The following GRID2 variants were observed in gnomAD, a reference collection of about 807,000 sequenced individuals.
GRID2 encodes glutamate receptor ionotropic, delta-2.
Under a neutral mutation model 114.8 loss-of-function variants are expected in GRID2, and 33 were observed. The observed-to-expected ratio is 0.29, with a 90% CI of 0.22 to 0.38. The LOEUF is 0.38. Ranked by LOEUF, GRID2 falls within the 10% of genes least tolerant of loss-of-function variation. The pLI is 1.00. For synonymous variants in GRID2, 505 were observed against 449.9 expected (o/e 1.12, Z -1.55); for missense variants, 1,184 against 1,257.7 (o/e 0.94, Z 0.89).
intron 13 of GRID2, among the ~76,000 whole-genome samples, chr4:93,622,358 CA>C: frequency 6.6e-6 from 1 of 152,130 alleles, no homozygotes; most frequent in East Asian, 1.9e-4. Flanking sequence ...TGATATTACT[CA>C]TTTTTTTATC....
At chr4:93,758,691 G>GGTTTTAAAGGTTAATTTT (rs1732963500) in intron 14 of GRID2, among the ~76,000 whole-genome samples, 9 of 152,200 alleles carry the variant, frequency 5.9e-5, no homozygotes, top group Middle Eastern at 6.8e-3. Context: ...TTAATTGTCA[G>GGTTTTAAAGGTTAATTTT]ACTCAAGGAT....
intron 8 of GRID2, among the ~76,000 whole-genome samples, chr4:93,274,596 T>A (rs1260629834): frequency 2.0e-5 from 3 of 152,092 alleles, no homozygotes; most frequent in Non-Finnish European, 4.4e-5. Context: ...AAAATGCTCA[T>A]AGACACTTAA....
At chr4:93,445,310 A>G (rs1294856127) in intron 10 of GRID2, among the ~76,000 whole-genome samples, 1 of 151,984 alleles carries the variant, frequency 6.6e-6, no homozygotes, top group African/African-American at 2.4e-5. Flanking sequence ...ATAGTCAGCC[A>G]GGGAACTTCT....
At chr4:92,395,700 T>A (rs1451064732) in intron 1 of GRID2, among the ~76,000 whole-genome samples, 2 of 151,828 alleles carry the variant, frequency 1.3e-5, no homozygotes, top group Non-Finnish European at 3.0e-5. Context: ...TATAATATAA[T>A]AGCATAGGTA....
intron 2 of GRID2, among the ~76,000 whole-genome samples, chr4:93,061,384 T>C (rs924959564): frequency 2.0e-5 from 3 of 151,926 alleles, no homozygotes; most frequent in Admixed American, 6.6e-5. Flanking sequence ...TTCTGATAGA[T>C]AGTAGACGTA....
chr4:92,839,322 G>C (rs747614564), intron 2 of GRID2, among the ~76,000 whole-genome samples: 1 of 150,912 alleles, frequency 6.6e-6, no homozygotes, highest in Non-Finnish European at 1.5e-5. Context: ...CAATGTGCCA[G>C]TTAGTTACTT....
At chr4:93,484,093 T>G (rs1164547382) in intron 11 of GRID2, among the ~76,000 whole-genome samples, 1 of 151,942 alleles carries the variant, frequency 6.6e-6, no homozygotes, top group East Asian at 1.9e-4. Context: ...TCTCTCCTTA[T>G]TTTCTTCTTT....
intron 11 of GRID2, among the ~76,000 whole-genome samples, chr4:93,465,969 G>A (rs1724226171): frequency 2.0e-5 from 3 of 152,120 alleles, no homozygotes; most frequent in Non-Finnish European, 4.4e-5. Flanking sequence ...CCCAAATTGA[G>A]TGGAATTATA....
At chr4:93,405,574 A>T (rs774880120) in intron 9 of GRID2, among the ~76,000 whole-genome samples, 7 of 152,288 alleles carry the variant, frequency 4.6e-5, no homozygotes, top group Middle Eastern at 3.4e-3. Context: ...ATTTAGAAAG[A>T]GATTGACAGA....
At chr4:93,523,258 A>G (rs1313586369) in intron 13 of GRID2, among the ~76,000 whole-genome samples, 10 of 152,166 alleles carry the variant, frequency 6.6e-5, no homozygotes, top group Non-Finnish European at 1.5e-5. Flanking sequence ...ATAAAGTAAA[A>G]GGAAATTTCA....
chr4:93,159,788 A>G (rs1331382561), intron 4 of GRID2, among the ~76,000 whole-genome samples: 1 of 150,804 alleles, frequency 6.6e-6, no homozygotes, highest in African/African-American at 2.4e-5. Flanking sequence ...AGTACAAATC[A>G]CTAGATGCAT....
In GRID2 at chr4:93,418,948, A is replaced by G. The variant is rs151206989; in HGVS notation, c.1348-3823A>G. On this transcript the variant is annotated intron_variant, in intron 9 of 15. Transcript: ENST00000282020. Reference sequence around the variant, plus strand: ...ATAGAGTTTCAAAGAGGTAAGCTTCAATTAAGACAGATTATGATGCCTCCT... The same window carrying G: ...ATAGAGTTTCAAAGAGGTAAGCTTCGATTAAGACAGATTATGATGCCTCCT... 2.5e-3 allele frequency among the ~76,000 whole-genome samples: 385 copies of G among 152,084 alleles called. 1 individual carries two copies. Among genetic ancestry groups the G allele is most frequent in the African/African-American group, 8.6e-3 (357 of 41,542 alleles).
At chr4:93,762,407 C>T (rs925354063) in intron 14 of GRID2, among the ~76,000 whole-genome samples, 2 of 152,066 alleles carry the variant, frequency 1.3e-5, no homozygotes, top group African/African-American at 4.8e-5. Context: ...CCCAAATTGC[C>T]TCAATACTTC....
intron 8 of GRID2, among the ~76,000 whole-genome samples, chr4:93,258,003 C>T (rs199840459): frequency 1.7e-3 from 30 of 17,352 alleles, no homozygotes; most frequent in African/African-American, 0.011. Flanking sequence ...TATATATACA[C>T]ACACACACAC....
intron 1 of GRID2, among the ~76,000 whole-genome samples, chr4:92,346,950 A>G (rs1386643234): frequency 2.0e-5 from 3 of 152,138 alleles, no homozygotes; most frequent in African/African-American, 7.2e-5. Flanking sequence ...CTATCTCATC[A>G]TCTTTTGATA....
At chr4:93,507,113 T>C (rs1012252604) in intron 12 of GRID2, among the ~76,000 whole-genome samples, 1 of 152,192 alleles carries the variant, frequency 6.6e-6, no homozygotes. Flanking sequence ...GAGCCTACTT[T>C]CATTAAATAA....
intron 10 of GRID2, among the ~76,000 whole-genome samples, chr4:93,445,581 G>C (rs1470786833): frequency 6.6e-6 from 1 of 151,814 alleles, no homozygotes; most frequent in Non-Finnish European, 1.5e-5. Context: ...CAACTTCCAT[G>C]TTCAGCTAAA....
At chr4:92,673,791 G>A (rs1733191623) in intron 2 of GRID2, among the ~76,000 whole-genome samples, 1 of 152,024 alleles carries the variant, frequency 6.6e-6, no homozygotes, top group African/African-American at 2.4e-5. Flanking sequence ...CTTGGACACA[G>A]GGTGGGGAAC....
intron 12 of GRID2, among the ~76,000 whole-genome samples, chr4:93,492,073 C>G (rs1441940904): frequency 6.6e-6 from 1 of 151,798 alleles, no homozygotes; most frequent in African/African-American, 2.4e-5. Context: ...AATTACAAAT[C>G]ATACAGAGTG....
Sources: gnomAD v4.1 joint callset for allele counts (sites outside exome capture counted in the v4.1 genomes callset) on GRCh38, gnomAD v4.1.1 for gene constraint, MANE v1.5 for transcripts, NCBI Gene and HGNC (gene_info 2026-07-23, HGNC 2026-07-21) for gene names.